The following ZNF578 variants were observed in gnomAD, a reference collection of about 807,000 sequenced individuals.
The protein encoded by ZNF578 is zinc finger protein 578.
A neutral mutation model predicts 8.3 loss-of-function variants in ZNF578; 8 were observed. The observed-to-expected ratio is 0.96, with a 90% CI of 0.56 to 1.74. The LOEUF (loss-of-function observed/expected upper bound fraction) is 1.74, where lower values mean the gene tolerates loss of function less well. ZNF578 is among the 40% of genes most tolerant of loss of function. The pLI, the probability that ZNF578 is intolerant of heterozygous loss-of-function variation, is 0.00. For synonymous variants in ZNF578, 206 were observed against 232.2 expected (o/e 0.89, Z 1.03); for missense variants, 726 against 707.5 (o/e 1.03, Z -0.30).
rs1219221579 is a variant in ZNF578, at chr19:52,515,076, G to T, written c.*2922G>T. On this transcript the variant is annotated 3_prime_UTR_variant, in exon 6 of 6. Transcript: ENST00000421239. ...CTCCTGGGTTCAAGTGATTTCTCCT[G>T]CCTCATCCTACTGAGTAGTTGGGAT... 1.3e-5 allele frequency among the ~76,000 whole-genome samples: 2 copies of T among 149,222 alleles called. No homozygotes were observed. The highest frequency in any genetic ancestry group is 1.4e-4 in the Admixed American group (2 of 14,644).
At chr19:52,480,569 CT>C (rs139176996) in intron 2 of ZNF578, among the ~76,000 whole-genome samples, 15,179 of 151,386 alleles carry the variant, frequency 0.1, 1,293 homozygotes, top group East Asian at 0.33. Context: ...TTGCAGTTTA[CT>C]TTTCAAGGTG....
intron 4 of ZNF578, among the ~76,000 whole-genome samples, chr19:52,503,446 A>C (rs533427885): frequency 1.3e-5 from 2 of 152,270 alleles, no homozygotes; most frequent in South Asian, 4.1e-4. Flanking sequence ...TCCGGCTTCA[A>C]GCAATTCTTT....
chr19:52,493,188 G>A (rs2059372645), intron 3 of ZNF578, among the ~76,000 whole-genome samples: 1 of 152,092 alleles, frequency 6.6e-6, no homozygotes, highest in Admixed American at 6.5e-5. Context: ...CGCCCTGGGC[G>A]CCTCCCAGGC....
At chr19:52,510,431 A>C (rs2059440285) in intron 5 of ZNF578, 141 bp from the exon 6 acceptor site, 2 of 1,161,818 alleles carry the variant, frequency 1.7e-6, no homozygotes, top group East Asian at 2.7e-5. Context: ...AAAGAATCTT[A>C]CTACTTTTGT....
chr19:52,492,340 G>C (rs1297961820), intron 3 of ZNF578, among the ~76,000 whole-genome samples: 1 of 152,130 alleles, frequency 6.6e-6, no homozygotes, highest in Non-Finnish European at 1.5e-5. Flanking sequence ...CATCCCTGCT[G>C]TGTTTAAGCA....
At chr19:52,468,152 A>T (rs1397829160) in intron 2 of ZNF578, among the ~76,000 whole-genome samples, 1 of 152,202 alleles carries the variant, frequency 6.6e-6, no homozygotes, top group Non-Finnish European at 1.5e-5. Context: ...AACAAAAAAT[A>T]ATTTTATTAC....
chr19:52,513,711 C>CA lies in ZNF578; in HGVS notation c.*1558dup, dbSNP rs2059460332. On this transcript the variant is annotated 3_prime_UTR_variant, in exon 6 of 6. Coordinates refer to ENST00000421239, the MANE Select transcript of ZNF578 (RefSeq NM_001099694.2). Reference sequence around the variant, plus strand: ...TGCCACTGCACTCCAGGCTGGGCGACAGAGTGAGAGTCTGTCTCAAAAAAA... The same window carrying CA: ...TGCCACTGCACTCCAGGCTGGGCGACAAGAGTGAGAGTCTGTCTCAAAAAAA... 7.6e-6 allele frequency among the ~76,000 whole-genome samples: 1 copy of CA among 131,950 alleles called. No homozygotes were observed. Among genetic ancestry groups the CA allele is most frequent in the South Asian group, 2.4e-4 (1 of 4,134 alleles). 86.6% of individuals were successfully genotyped at this position (131,950 alleles called of 152,430 possible).
At chr19:52,486,122 G>C (rs566617950) in intron 2 of ZNF578, among the ~76,000 whole-genome samples, 1 of 152,370 alleles carries the variant, frequency 6.6e-6, no homozygotes, top group South Asian at 2.1e-4. Context: ...CTTAGGGCTG[G>C]AGGTGAGACA....
At chr19:52,494,530 G>C (rs2059378926) in intron 3 of ZNF578, among the ~76,000 whole-genome samples, 1 of 152,196 alleles carries the variant, frequency 6.6e-6, no homozygotes, top group Non-Finnish European at 1.5e-5. Flanking sequence ...TTTGGATACA[G>C]ATGAGTGTGT....
intron 2 of ZNF578, among the ~76,000 whole-genome samples, chr19:52,477,047 T>C (rs775259539): frequency 1.3e-5 from 2 of 152,178 alleles, no homozygotes; most frequent in African/African-American, 4.8e-5. Context: ...CCTGAAGATC[T>C]TGTGACATTA....
At chr19:52,488,214 G>A (rs1382057500) in intron 2 of ZNF578, among the ~76,000 whole-genome samples, 1 of 151,860 alleles carries the variant, frequency 6.6e-6, no homozygotes, top group East Asian at 2.0e-4. Flanking sequence ...GCCTCCCAAA[G>A]TGCTGGGATT....
chr19:52,464,389 G>A (rs1332430870), intron 2 of ZNF578, among the ~76,000 whole-genome samples: 1 of 152,182 alleles, frequency 6.6e-6, no homozygotes, highest in Non-Finnish European at 1.5e-5. Flanking sequence ...CATAGCATAA[G>A]TAGCAATTCC....
Position 52,511,869 on chromosome 19 carries a change from A to T in ZNF578, c.1488A>T (p.Ser496=), listed in dbSNP as rs773223398. The change falls in exon 6 of 6, where the codon TCA becomes TCT. Residue 496 remains serine (S), a synonymous_variant. Transcript: ENST00000421239. ...GTCACAAGACCTTCAGTCACAGGTC[A>T]TCTCTTCCATGCCATCGTAGACTTC... is the stretch of plus-strand genomic sequence containing the variant. The part of the protein sequence containing the change: ...NECHKTFSHR[S]SLPCHRRLHS... The T allele has an allele frequency of 1.2e-6, 2 of 1,613,714 alleles. No homozygotes were observed. Among genetic ancestry groups the T allele is most frequent in the African/African-American group, 1.3e-5 (1 of 74,852 alleles).
intron 2 of ZNF578, among the ~76,000 whole-genome samples, chr19:52,485,156 G>T (rs932856222): frequency 2.0e-5 from 3 of 151,866 alleles, no homozygotes; most frequent in African/African-American, 7.2e-5. Context: ...CTTTCACACA[G>T]CCCAACCCTC....
At chr19:52,464,664 A>G (rs1306050847) in intron 2 of ZNF578, among the ~76,000 whole-genome samples, 3 of 152,126 alleles carry the variant, frequency 2.0e-5, no homozygotes, top group East Asian at 1.9e-4. Context: ...TTTTTGCTGC[A>G]CAGAGTATGT....
chr19:52,485,928 C>T (rs1426798145), intron 2 of ZNF578, among the ~76,000 whole-genome samples: 1 of 152,128 alleles, frequency 6.6e-6, no homozygotes, highest in East Asian at 1.9e-4. Flanking sequence ...AAGGGAAAGA[C>T]CCGACCATCC....
intron 2 of ZNF578, among the ~76,000 whole-genome samples, chr19:52,459,769 A>ATATT (rs1555751349): frequency 5.7e-4 from 10 of 17,620 alleles, no homozygotes; most frequent in East Asian, 2.5e-3. Context: ...ATATATATAT[A>ATATT]TTTTTTTTTT....
intron 2 of ZNF578, among the ~76,000 whole-genome samples, chr19:52,465,945 A>G (rs945093781): frequency 2.0e-5 from 3 of 152,166 alleles, no homozygotes; most frequent in Admixed American, 2.0e-4. Flanking sequence ...CAGCCTCAAC[A>G]CCACCCTTAG....
intron 2 of ZNF578, chr19:52,473,743 T>C: frequency 3.5e-6 from 1 of 285,164 alleles, no homozygotes; most frequent in Admixed American, 5.1e-5. Flanking sequence ...AAGGTTTCCT[T>C]CCAATGTGGA....
Sources: allele counts gnomAD v4.1 joint callset (sites outside exome capture counted in the v4.1 genomes callset), GRCh38; gene constraint gnomAD v4.1.1; transcripts MANE v1.5; gene names NCBI Gene and HGNC (gene_info 2026-07-23, HGNC 2026-07-21).